Variants in ALDH5A1 observed in about 807,000 individuals in gnomAD.
ALDH5A1 encodes succinate-semialdehyde dehydrogenase, mitochondrial.
A neutral mutation model predicts 54.7 loss-of-function variants in ALDH5A1; 33 were observed. The observed-to-expected ratio is 0.60, with a 90% CI of 0.46 to 0.81. The LOEUF (loss-of-function observed/expected upper bound fraction) is 0.81. Among genes scored for constraint, ALDH5A1 ranks in the 30% least tolerant of loss-of-function variants. The pLI, the probability that ALDH5A1 is intolerant of heterozygous loss-of-function variation, is 0.00. For synonymous variants in ALDH5A1, 294 were observed against 292.7 expected (o/e 1.00, Z -0.05); for missense variants, 657 against 711.0 (o/e 0.92, Z 0.86).
rs908423551 is a variant in ALDH5A1 at position 24,518,549 on chromosome 6, C to T, written c.871-1852C>T. On this transcript the variant is annotated intron_variant, in intron 5 of 9. Coordinates refer to ENST00000357578, the MANE Select transcript of ALDH5A1 (RefSeq NM_001080.3). The surrounding 1 kb of genome is among the most constrained non-coding windows in gnomAD (Gnocchi z 4.2). ...AAGCAAATCCAGGAAAAGTCAATGA[C>T]GTTTCTTAAAAATTTTTAAATAAAA... Among the ~76,000 whole-genome samples, 1 of 152,062 alleles carries T rather than the reference C, an allele frequency of 6.6e-6. No homozygotes were observed. Among genetic ancestry groups the T allele is most frequent in the Admixed American group, 6.6e-5 (1 of 15,266 alleles).
At chr6:24,506,759 TTTTACA>T (rs1234547555) in intron 4 of ALDH5A1, among the ~76,000 whole-genome samples, 3 of 152,196 alleles carry the variant, frequency 2.0e-5, no homozygotes, top group Non-Finnish European at 4.4e-5. Flanking sequence ...TTTAGAATAG[TTTTACA>T]TTTACAGAAA....
At chr6:24,503,165 CT>C (rs1182361814) in intron 2 of ALDH5A1, 97 bp from the exon 3 acceptor site, 15 of 1,462,250 alleles carry the variant, frequency 1.0e-5, no homozygotes, top group Non-Finnish European at 1.4e-5. Context: ...TTATAGGAGA[CT>C]TTTCTACTCT....
At position 24,533,982 on chromosome 6, in the gene ALDH5A1, A is replaced by T. The variant is rs978161543; in HGVS notation, c.*270A>T. 2.4e-6 allele frequency: 1 copy of T among 416,934 alleles called. No homozygotes were observed. The highest frequency in any genetic ancestry group is 2.0e-5 in the African/African-American group (1 of 49,166). 25.8% of individuals were successfully genotyped at this position (416,934 alleles called of 1,614,324 possible). On this transcript the variant is annotated 3_prime_UTR_variant, in exon 10 of 10. Transcript: ENST00000357578. Reference sequence around the variant, plus strand: ...GGCCCTGGCTCCCCACCACAGCCCCAGCTGCCTCAGAGCAGGCACAGCACA... The same window carrying T: ...GGCCCTGGCTCCCCACCACAGCCCCTGCTGCCTCAGAGCAGGCACAGCACA...
intron 1 of ALDH5A1, among the ~76,000 whole-genome samples, chr6:24,501,966 T>C (rs1409092574): frequency 6.6e-6 from 1 of 151,802 alleles, no homozygotes; most frequent in Non-Finnish European, 1.5e-5. Flanking sequence ...TGTGTGTATA[T>C]ATATAATCAT....
intron 1 of ALDH5A1, among the ~76,000 whole-genome samples, chr6:24,497,815 G>T (rs1464625702): frequency 6.6e-6 from 1 of 152,224 alleles, no homozygotes; most frequent in Admixed American, 6.5e-5. Flanking sequence ...TTTGAGTAAA[G>T]AGGGGGCTGT....
intron 8 of ALDH5A1, among the ~76,000 whole-genome samples, chr6:24,529,356 A>C (rs1443609609): frequency 6.0e-5 from 9 of 150,418 alleles, no homozygotes; most frequent in Non-Finnish European, 8.9e-5. Flanking sequence ...TAATAGAGAC[A>C]GGGTTTCACC....
chr6:24,512,980 G>A (rs185402898), intron 4 of ALDH5A1, among the ~76,000 whole-genome samples: 152 of 152,110 alleles, frequency 1.0e-3, no homozygotes, highest in African/African-American at 3.4e-3. Context: ...GTGAGCCACC[G>A]CACCTGGCCC....
At position 24,495,277 on chromosome 6, in the gene ALDH5A1, G is replaced by GGGTGCGAGAGGCCCGCGC. The variant is rs1204593600; in HGVS notation, c.282_299dup (p.Val95_Ala100dup). 1 of 1,532,768 alleles carries GGGTGCGAGAGGCCCGCGC rather than the reference G, an allele frequency of 6.5e-7. No individual in the cohort carries two copies. Among genetic ancestry groups the GGGTGCGAGAGGCCCGCGC allele is most frequent in the Admixed American group, 2.0e-5 (1 of 50,948 alleles). The allele number at this position is 1,532,768 out of a possible 1,614,324, so 94.9% of individuals were successfully genotyped here. A position where few individuals can be genotyped will look rare whatever the true frequency, so the allele number is the denominator to read the frequency against. On this transcript the variant is annotated inframe_insertion, in exon 1 of 10. Transcript: ENST00000357578. ...GCTCTGGGCATGGTAGCCGACTGCG[G>GGGTGCGAGAGGCCCGCGC]GGTGCGAGAGGCCCGCGCCGCCGTG...
At chr6:24,510,141 G>C (rs893499361) in intron 4 of ALDH5A1, among the ~76,000 whole-genome samples, 2 of 152,154 alleles carry the variant, frequency 1.3e-5, no homozygotes, top group East Asian at 3.9e-4. Flanking sequence ...TTGATTTCCA[G>C]CTTTATTCCA....
Position 24,508,148 on chromosome 6 carries a change from A to G in ALDH5A1, c.726+3163A>G, listed in dbSNP as rs539073583. On this transcript the variant is annotated intron_variant, in intron 4 of 9. Coordinates refer to ENST00000357578, the MANE Select transcript of ALDH5A1 (RefSeq NM_001080.3). Reference sequence around the variant, plus strand: ...GAGAGGCTGAGGCGGGCAGATCACAAGCTCAAGAGATTGAGACCATCCTGG... The same window carrying G: ...GAGAGGCTGAGGCGGGCAGATCACAGGCTCAAGAGATTGAGACCATCCTGG... Among the ~76,000 whole-genome samples, 12 of 152,044 alleles carry G rather than the reference A, an allele frequency of 7.9e-5. No individual in the cohort carries two copies. The South Asian group carries it at 2.5e-3, about 32-fold the overall frequency.
chr6:24,496,936 C>T (rs1230507371), intron 1 of ALDH5A1, among the ~76,000 whole-genome samples: 3 of 152,152 alleles, frequency 2.0e-5, no homozygotes, highest in Admixed American at 6.5e-5. Context: ...CAGCCCGTAA[C>T]ATCAGGGTAG....
At chr6:24,499,996 A>T (rs1366012403) in intron 1 of ALDH5A1, among the ~76,000 whole-genome samples, 2 of 135,390 alleles carry the variant, frequency 1.5e-5, no homozygotes, top group African/African-American at 5.7e-5. Context: ...GTGTGTAGAG[A>T]CAGATCTCAC....
At position 24,528,008 on chromosome 6, in the gene ALDH5A1, G is replaced by T. The variant is rs1318972823; in HGVS notation, c.1185G>T (p.Gln395His). 1.9e-6 allele frequency: 3 copies of T among 1,614,046 alleles called. No individual in the cohort carries two copies. The highest frequency in any genetic ancestry group is 2.2e-5 in the South Asian group (2 of 91,034). ...TCCTCATTACACAGGTGGAGAAACA[G>T]GTGAATGATGCCGTTTCTAAAGGTG... ...NEKAVEKVEK[Q>H]VNDAVSKGAT... The change falls in exon 8 of 10, where the codon CAG (glutamine) becomes CAT (histidine). Residue 395 changes from glutamine (Q) to histidine (H), a missense_variant. By Grantham distance (24) the Gln-to-His change is conservative. Transcript: ENST00000357578.
Position 24,520,407 on chromosome 6 carries a change from T to C in ALDH5A1, c.877T>C (p.Leu293=). The change falls in exon 6 of 10, where the codon TTG becomes CTG. Residue 293 remains leucine (L), a synonymous_variant. Transcript: ENST00000357578. ...TGSTTTGKIL[L]HHAANSVKRV... ...TTCTCTCCTCTGCTCACAGATCCTG[T>C]TGCACCACGCAGCAAACTCTGTGAA... The C allele has an allele frequency of 6.2e-7, 1 of 1,614,110 alleles. No homozygotes were observed. The highest frequency in any genetic ancestry group is 8.5e-7 in the Non-Finnish European group (1 of 1,180,018).
chr6:24,526,972 G>GTATATATATATATA (rs1459778389), intron 7 of ALDH5A1, among the ~76,000 whole-genome samples: 9 of 8,358 alleles, frequency 1.1e-3, no homozygotes, highest in African/African-American at 1.9e-3. Flanking sequence ...ATATGTGTGT[G>GTATATATATATATA]TGTATATATA....
rs546641719 is a variant in ALDH5A1 at position 24,535,928 on chromosome 6, C to G, written c.*2216C>G. On this transcript the variant is annotated 3_prime_UTR_variant, in exon 10 of 10. Transcript: ENST00000357578. ...TTTTAACATTGTAAGCCAGTAGATT[C>G]TTTGGCTGGGTGGCAAATTTTGAGT... 3 of 152,216 alleles carry G rather than the reference C, an allele frequency of 2.0e-5. No individual in the cohort carries two copies. The highest frequency in any genetic ancestry group is 2.1e-4 in the South Asian group (1 of 4,828). 9.4% of individuals were successfully genotyped at this position (152,216 alleles called of 1,614,324 possible). A position where few individuals can be genotyped will look rare whatever the true frequency, so the allele number is the denominator to read the frequency against.
rs945919456 is a variant in ALDH5A1, at chr6:24,523,893, A to G, written c.1173+968A>G. Among the ~76,000 whole-genome samples the G allele has an allele frequency of 5.9e-5, 9 of 152,234 alleles. No individual in the cohort carries two copies. In the South Asian group the frequency reaches 8.3e-4, roughly 14 times the overall value. ...TGTTATAATCCATACTACTAGCTAT[A>G]TGAGACTTCTCTCCTTATTCTACTG... On this transcript the variant is annotated intron_variant, in intron 7 of 9. Coordinates refer to ENST00000357578, the MANE Select transcript of ALDH5A1 (RefSeq NM_001080.3).
At chr6:24,497,581 C>A (rs924415229) in intron 1 of ALDH5A1, among the ~76,000 whole-genome samples, 11 of 148,194 alleles carry the variant, frequency 7.4e-5, no homozygotes, top group African/African-American at 2.7e-4. Flanking sequence ...GAAAAGTTCT[C>A]CAAGTCCCCA....
chr6:24,497,872 C>T (rs1764744954), intron 1 of ALDH5A1, among the ~76,000 whole-genome samples: 1 of 152,068 alleles, frequency 6.6e-6, no homozygotes, highest in Admixed American at 6.5e-5. Context: ...TTTTGAAAGG[C>T]CACTCTAACC....
Sources: allele counts gnomAD v4.1 joint callset (sites outside exome capture counted in the v4.1 genomes callset), GRCh38; gene constraint gnomAD v4.1.1; non-coding constraint Gnocchi (gnomAD v3.1); transcripts MANE v1.5; gene names NCBI Gene and HGNC (gene_info 2026-07-23, HGNC 2026-07-21).